NYAP2: variants seen among roughly 807,000 people sequenced by gnomAD.
NYAP2 encodes the protein neuronal tyrosine-phosphorylated phosphoinositide-3-kinase adaptor 2, also known as neuronal tyrosine-phosphorylated phosphoinositide-3-kinase adapter 2.
Under a neutral mutation model 50.4 loss-of-function variants are expected in NYAP2, and 23 were observed. The observed-to-expected ratio is 0.46, with a 90% CI of 0.33 to 0.65. The LOEUF (loss-of-function observed/expected upper bound fraction) is 0.65. Ranked by LOEUF, NYAP2 falls within the 30% of genes least tolerant of loss-of-function variation. NYAP2 has a pLI of 0.02. For synonymous variants in NYAP2, 394 were observed against 365.2 expected (o/e 1.08, Z -0.90); for missense variants, 885 against 861.0 (o/e 1.03, Z -0.35).
chr2:225,601,278 G>C (rs879544172), intron 5 of NYAP2, among the ~76,000 whole-genome samples: 1 of 151,846 alleles, frequency 6.6e-6, no homozygotes, highest in Admixed American at 6.6e-5. Flanking sequence ...GTGCCACCAC[G>C]ACCAGCTAAT....
chr2:225,467,027 T>C (rs1689929356), intron 3 of NYAP2, among the ~76,000 whole-genome samples: 1 of 151,898 alleles, frequency 6.6e-6, no homozygotes, highest in Non-Finnish European at 1.5e-5. Context: ...TGACTTGGGG[T>C]TTTCTACGTT....
Position 225,627,154 on chromosome 2 carries a change from G to A in NYAP2, c.1828+28G>A, listed in dbSNP as rs965241296. 2.7e-6 allele frequency: 4 copies of A among 1,508,618 alleles called. No homozygotes were observed. In the Admixed American group the frequency reaches 5.8e-5, roughly 22 times the overall value. 93.5% of individuals were successfully genotyped at this position (1,508,618 alleles called of 1,614,324 possible). ...AAGGCAGATTATGATCTTCCAGAAG[G>A]TAATTCCTCCTGTCTCTAGAGACTA... On this transcript the variant is annotated intron_variant, in intron 6 of 6. Transcript: ENST00000636099.
chr2:225,438,742 C>T (rs574752917), intron 3 of NYAP2, among the ~76,000 whole-genome samples: 2 of 152,136 alleles, frequency 1.3e-5, no homozygotes, highest in Non-Finnish European at 2.9e-5. Context: ...TTTGTTTTTG[C>T]ACTAAAAATT....
At chr2:225,592,632 C>G (rs952337984) in intron 5 of NYAP2, among the ~76,000 whole-genome samples, 1 of 152,060 alleles carries the variant, frequency 6.6e-6, no homozygotes, top group Non-Finnish European at 1.5e-5. Flanking sequence ...ATTCGTGTGA[C>G]TCCTTGGTTA....
At chr2:225,471,632 T>C (rs1003095644) in intron 3 of NYAP2, among the ~76,000 whole-genome samples, 3 of 152,252 alleles carry the variant, frequency 2.0e-5, no homozygotes, top group Admixed American at 2.0e-4. Flanking sequence ...ATTTGTAGTG[T>C]GTTTTACTAA....
chr2:225,664,382 A>G, the NYAP2 span, among the ~76,000 whole-genome samples: 1 of 152,208 alleles, frequency 6.6e-6, no homozygotes, highest in African/African-American at 2.4e-5. Flanking sequence ...GTCTCAATAC[A>G]TATTGAATGA....
At position 225,582,312 on chromosome 2, in the gene NYAP2, C is replaced by G. The variant is rs1003837082; in HGVS notation, c.895C>G (p.Pro299Ala). The change falls in exon 5 of 7, where the codon CCC (proline) becomes GCC (alanine). Residue 299 changes from proline (P) to alanine (A), a missense_variant. Coordinates refer to ENST00000636099, the Ensembl canonical transcript of NYAP2. This position sits in a 1 kb window ranked among gnomAD's most constrained non-coding sequence, Gnocchi z 7.0. The stretch of plus-strand genomic sequence containing the variant: ...CAGCTGTTCTTCGCAGTGTGCTACT[C>G]CCACGGTGCCTGACTTGGACTTCGC... 1 of 1,614,020 alleles carries G rather than the reference C, an allele frequency of 6.2e-7. No individual in the cohort carries two copies. The highest frequency in any genetic ancestry group is 8.5e-7 in the Non-Finnish European group (1 of 1,179,892).
At chr2:225,480,273 G>GA (rs1374999929) in intron 3 of NYAP2, among the ~76,000 whole-genome samples, 3 of 151,758 alleles carry the variant, frequency 2.0e-5, no homozygotes, top group South Asian at 2.1e-4. Context: ...ATTCTAGAAA[G>GA]AAAAAAATGA....
At chr2:225,682,420 C>T in the NYAP2 span, among the ~76,000 whole-genome samples, 2 of 152,054 alleles carry the variant, frequency 1.3e-5, no homozygotes, top group Non-Finnish European at 2.9e-5. Flanking sequence ...ATTTTTTGGC[C>T]ACTTCAACTC....
chr2:225,537,065 A>C (rs954865541), intron 4 of NYAP2, among the ~76,000 whole-genome samples: 1 of 152,184 alleles, frequency 6.6e-6, no homozygotes, highest in Non-Finnish European at 1.5e-5. Context: ...GGCGTGAGCC[A>C]CTGAGCCCGG....
chr2:225,407,014 C>T lies in NYAP2; in HGVS notation c.-17-1850C>T, dbSNP rs560063729. Among the ~76,000 whole-genome samples the T allele has an allele frequency of 2.6e-5, 4 of 152,132 alleles. No individual in the cohort carries two copies. The East Asian group carries it at 7.7e-4, about 29-fold the overall frequency. On this transcript the variant is annotated intron_variant, in intron 2 of 6. Transcript: ENST00000636099. ...TAGAGGGCAAAGAAGGAGTGATCAT[C>T]TTCCAGCCGGAGGCATTATCTCTAG...
intron 3 of NYAP2, among the ~76,000 whole-genome samples, chr2:225,501,008 A>G (rs1574646185): frequency 6.6e-6 from 1 of 152,310 alleles, no homozygotes; most frequent in East Asian, 1.9e-4. Flanking sequence ...GTCATAGATG[A>G]TGGTCTGGGC....
At chr2:225,503,759 TA>T (rs1690648997) in intron 3 of NYAP2, among the ~76,000 whole-genome samples, 1 of 152,194 alleles carries the variant, frequency 6.6e-6, no homozygotes, top group Non-Finnish European at 1.5e-5. Flanking sequence ...CTAACATTCA[TA>T]AAAATCTTAA....
intron 6 of NYAP2, among the ~76,000 whole-genome samples, chr2:225,640,991 G>A (rs1314028178): frequency 2.0e-5 from 3 of 152,114 alleles, no homozygotes; most frequent in Non-Finnish European, 4.4e-5. Flanking sequence ...AAACCATTGG[G>A]ATGATGCAGA....
At chr2:225,699,662 T>C in the NYAP2 span, 1 of 151,944 alleles carries the variant, frequency 6.6e-6, no homozygotes, top group Non-Finnish European at 1.5e-5. Context: ...CATAATCTTC[T>C]GTATGTGATC....
chr2:225,649,320 ATC>A (rs984009798), intron 6 of NYAP2, among the ~76,000 whole-genome samples: 13 of 152,236 alleles, frequency 8.5e-5, no homozygotes, highest in Non-Finnish European at 1.9e-4. Context: ...TGACTTCTGG[ATC>A]GGTTGGAAAG....
intron 4 of NYAP2, among the ~76,000 whole-genome samples, chr2:225,562,192 T>A (rs1019109764): frequency 6.6e-6 from 1 of 152,108 alleles, no homozygotes. Flanking sequence ...GTAAATTCAC[T>A]GGGGGAAAGA....
intron 3 of NYAP2, among the ~76,000 whole-genome samples, chr2:225,509,614 A>G (rs1447988988): frequency 2.0e-5 from 3 of 152,106 alleles, no homozygotes; most frequent in Non-Finnish European, 2.9e-5. Flanking sequence ...GGGGTGTTCA[A>G]ATTGCTGAAG....
At chr2:225,429,375 A>G (rs1326404989) in intron 3 of NYAP2, among the ~76,000 whole-genome samples, 1 of 152,194 alleles carries the variant, frequency 6.6e-6, no homozygotes. Flanking sequence ...CAAAGCCACA[A>G]ACTGGTACTT....
Sources: allele counts gnomAD v4.1 joint callset (sites outside exome capture counted in the v4.1 genomes callset), GRCh38; gene constraint gnomAD v4.1.1; non-coding constraint Gnocchi (gnomAD v3.1); transcripts MANE v1.5; gene names NCBI Gene and HGNC (gene_info 2026-07-23, HGNC 2026-07-21).